Variants in TECRL observed in about 807,000 individuals in gnomAD.
TECRL encodes the protein trans-2,3-enoyl-CoA reductase like.
A neutral mutation model predicts 52.8 loss-of-function variants in TECRL; 63 were observed. The ratio of observed to expected loss-of-function variants is 1.19; its 90% CI spans 0.97 to 1.47. The LOEUF (loss-of-function observed/expected upper bound fraction) is 1.47, where lower values mean the gene tolerates loss of function less well. Among genes scored for constraint, TECRL ranks in the 40% most tolerant of loss-of-function variants. TECRL has a pLI of 0.00. For synonymous variants in TECRL, 164 were observed against 141.9 expected (o/e 1.16, Z -1.10); for missense variants, 482 against 429.6 (o/e 1.12, Z -1.08).
intron 2 of TECRL, among the ~76,000 whole-genome samples, chr4:64,337,129 A>C (rs952566409): frequency 6.6e-6 from 1 of 152,078 alleles, no homozygotes; most frequent in Non-Finnish European, 1.5e-5. Context: ...CCCATATGCA[A>C]ATCAATCAAC....
intron 1 of TECRL, among the ~76,000 whole-genome samples, chr4:64,385,117 C>T (rs952824667): frequency 1.8e-4 from 28 of 152,072 alleles, no homozygotes; most frequent in African/African-American, 6.8e-4. Context: ...TCCTCCAGTT[C>T]CTGCACAATC....
At chr4:64,372,174 G>C (rs1459634303) in intron 2 of TECRL, among the ~76,000 whole-genome samples, 1 of 151,752 alleles carries the variant, frequency 6.6e-6, no homozygotes, top group Non-Finnish European at 1.5e-5. Flanking sequence ...AAGCTCTCTA[G>C]AAGAGACTTG....
chr4:64,399,607 T>G (rs1207449903), intron 1 of TECRL, among the ~76,000 whole-genome samples: 1 of 152,184 alleles, frequency 6.6e-6, no homozygotes, highest in African/African-American at 2.4e-5. Flanking sequence ...TGAGCCCTGC[T>G]GCCTTGCCTA....
chr4:64,397,951 AT>A (rs2109769634), intron 1 of TECRL, among the ~76,000 whole-genome samples: 1 of 151,986 alleles, frequency 6.6e-6, no homozygotes, highest in Admixed American at 6.6e-5. Flanking sequence ...GTCCTAAAAA[AT>A]GTGCCCAATG....
intron 3 of TECRL, among the ~76,000 whole-genome samples, chr4:64,326,760 AG>A (rs914912154): frequency 6.6e-6 from 1 of 152,162 alleles, no homozygotes; most frequent in African/African-American, 2.4e-5. Flanking sequence ...ACAGAGCTAA[AG>A]AACTGGTTAA....
At chr4:64,315,911 A>G (rs1717465407) in intron 4 of TECRL, among the ~76,000 whole-genome samples, 1 of 152,096 alleles carries the variant, frequency 6.6e-6, no homozygotes, top group African/African-American at 2.4e-5. Flanking sequence ...GTGTGTGAGA[A>G]GTAAAAACAA....
intron 1 of TECRL, among the ~76,000 whole-genome samples, chr4:64,404,589 G>A (rs992703671): frequency 2.6e-5 from 4 of 151,660 alleles, no homozygotes; most frequent in African/African-American, 9.7e-5. Context: ...ATCATTCATG[G>A]GAACTAGCTA....
At chr4:64,393,184 C>A (rs1038608642) in intron 1 of TECRL, among the ~76,000 whole-genome samples, 3 of 151,956 alleles carry the variant, frequency 2.0e-5, no homozygotes, top group Admixed American at 6.6e-5. Context: ...ACCTAGAAGG[C>A]TTTTGGCATT....
Position 64,305,180 on chromosome 4 carries a change from AGTGGATGATTAAT to A in TECRL, c.703_715del (p.Ile235TyrfsTer20). The stretch of plus-strand genomic sequence containing the variant: ...ACCCTACATACATGGTGGTGTATAT[AGTGGATGATTAAT>A]GTAGTAGGCAATCCAAGAAGTAAAT... On this transcript the variant is annotated frameshift_variant, in exon 7 of 12. Coordinates refer to ENST00000381210, the MANE Select transcript of TECRL (RefSeq NM_001010874.5). LOFTEE classifies it high-confidence loss of function. 1 of 1,612,492 alleles carries A rather than the reference AGTGGATGATTAAT, an allele frequency of 6.2e-7. No individual in the cohort carries two copies.
intron 5 of TECRL, among the ~76,000 whole-genome samples, chr4:64,312,766 C>CAAAAAA (rs5858874): frequency 1.0e-4 from 15 of 143,696 alleles, no homozygotes; most frequent in African/African-American, 3.9e-4. Context: ...GACCCTCTCT[C>CAAAAAA]AAAAAAAAAA....
intron 2 of TECRL, among the ~76,000 whole-genome samples, chr4:64,334,915 GCAAGATTGGTCAT>G (rs1387631252): frequency 2.6e-5 from 4 of 152,206 alleles, no homozygotes; most frequent in Non-Finnish European, 5.9e-5. Context: ...TAAGGAAGAA[GCAAGATTGGTCAT>G]CATAACTATG....
chr4:64,377,311 C>T (rs1440937253), intron 1 of TECRL, among the ~76,000 whole-genome samples: 3 of 151,958 alleles, frequency 2.0e-5, no homozygotes, highest in Non-Finnish European at 4.4e-5. Flanking sequence ...TTGATCTGCT[C>T]TTTTCAGTCC....
At chr4:64,316,665 T>G (rs1017747964) in intron 4 of TECRL, among the ~76,000 whole-genome samples, 3 of 152,078 alleles carry the variant, frequency 2.0e-5, no homozygotes, top group African/African-American at 4.8e-5. Context: ...AGTAAACAGA[T>G]AAGCAGTCAT....
chr4:64,363,211 G>T (rs954898928), intron 2 of TECRL, among the ~76,000 whole-genome samples: 1 of 152,100 alleles, frequency 6.6e-6, no homozygotes, highest in African/African-American at 2.4e-5. Flanking sequence ...GGTTTATGAA[G>T]AGACTTAGAT....
intron 2 of TECRL, among the ~76,000 whole-genome samples, chr4:64,341,619 G>T (rs923232084): frequency 6.6e-6 from 1 of 152,000 alleles, no homozygotes; most frequent in Admixed American, 6.6e-5. Flanking sequence ...AAAAAATGGG[G>T]CTAAAACATC....
intron 2 of TECRL, among the ~76,000 whole-genome samples, chr4:64,340,408 C>CT (rs1719476077): frequency 6.6e-6 from 1 of 152,252 alleles, no homozygotes; most frequent in Non-Finnish European, 1.5e-5. Flanking sequence ...AAAGTGTCTG[C>CT]TCCAGCTGTC....
chr4:64,278,261 A>C lies in TECRL; in HGVS notation c.*1811T>G, dbSNP rs1013926840. On this transcript the variant is annotated 3_prime_UTR_variant, in exon 12 of 12. Transcript: ENST00000381210. The stretch of plus-strand genomic sequence containing the variant: ...CATACAATGTCTGTATTATTAACAA[A>C]TAAGTACACAACTAAATAAAAATGT... 2.9e-4 allele frequency: 44 copies of C among 152,196 alleles called. No individual in the cohort carries two copies. The highest frequency in any genetic ancestry group is 1.0e-3 in the African/African-American group (43 of 41,426). 9.4% of individuals were successfully genotyped at this position (152,196 alleles called of 1,614,324 possible). A position where few individuals can be genotyped will look rare whatever the true frequency, so the allele number is the denominator to read the frequency against.
intron 1 of TECRL, among the ~76,000 whole-genome samples, chr4:64,385,325 C>T (rs186321999): frequency 1.3e-5 from 2 of 152,266 alleles, no homozygotes; most frequent in Non-Finnish European, 2.9e-5. Context: ...TTTGGCCAGT[C>T]CCCAGACACC....
chr4:64,300,770 G>A (rs930095241), intron 7 of TECRL, among the ~76,000 whole-genome samples: 2 of 150,780 alleles, frequency 1.3e-5, no homozygotes, highest in African/African-American at 4.8e-5. Context: ...ATTTTAAAAT[G>A]TGCGTTTTTC....
Sources: gnomAD v4.1 joint callset for allele counts (sites outside exome capture counted in the v4.1 genomes callset) on GRCh38, gnomAD v4.1.1 for gene constraint, MANE v1.5 for transcripts, NCBI Gene and HGNC (gene_info 2026-07-23, HGNC 2026-07-21) for gene names.